Variants in FAM72B observed in about 807,000 individuals in gnomAD.
FAM72B encodes the protein protein FAM72B.
Under a neutral mutation model 12.6 loss-of-function variants are expected in FAM72B, and 4 were observed. That is an observed-to-expected ratio of 0.32 (90% CI 0.16 to 0.73). FAM72B has a LOEUF of 0.73. Ranked by LOEUF, FAM72B falls within the 30% of genes least tolerant of loss-of-function variation. The probability of loss-of-function intolerance (pLI) is 0.67; values close to 1 mark genes in which losing one functional copy is unlikely to be tolerated. For synonymous variants in FAM72B, 13 were observed against 53.9 expected (o/e 0.24, Z 3.32); for missense variants, 61 against 158.4 (o/e 0.39, Z 3.30).
chr1:121,168,751 C>T lies in FAM72B; in HGVS notation c.440G>A (p.Cys147Tyr), dbSNP rs782526851. The T allele has an allele frequency of 4.4e-6, 7 of 1,579,150 alleles. No homozygotes were observed. The highest frequency in any genetic ancestry group is 2.3e-4 in the Middle Eastern group (1 of 4,270). Residue 147 changes from cysteine (C) to tyrosine (Y), a missense_variant, in exon 4 of 4, where the codon TGT becomes TAT. By Grantham distance (194) the Cys-to-Tyr change is radical (BLOSUM62 -2). Transcript: ENST00000369390. ...ATATCATAATTCCATTTATCTAATA[C>T]ACTCCTCTGCTGAGATATTTAACAC... ...EDVLNISAEECIR is the reference protein window; with the variant it reads ...EDVLNISAEEYIR
At chr1:121,174,575 C>CA (rs1654169812) in intron 3 of FAM72B, among the ~76,000 whole-genome samples, 1 of 150,684 alleles carries the variant, frequency 6.6e-6, no homozygotes, top group Admixed American at 6.6e-5. Flanking sequence ...CCATGTTGGT[C>CA]AGGCTGGTCT....
chr1:121,179,656 T>C (rs587686522), intron 2 of FAM72B, among the ~76,000 whole-genome samples: 29 of 151,248 alleles, frequency 1.9e-4, no homozygotes, highest in South Asian at 4.2e-4. Context: ...GGTGAAACCC[T>C]GTCTCTACTA....
intron 2 of FAM72B, among the ~76,000 whole-genome samples, chr1:121,178,600 C>A (rs1194257399): frequency 7.7e-6 from 1 of 130,180 alleles, no homozygotes; most frequent in Non-Finnish European, 1.6e-5. Context: ...TTAATTACCG[C>A]CTATATTCAT....
chr1:121,172,624 G>T, intron 3 of FAM72B, among the ~76,000 whole-genome samples: 1 of 146,060 alleles, frequency 6.8e-6, no homozygotes, highest in East Asian at 2.0e-4. Context: ...TTAGCCAGGT[G>T]TAGTGGTGCA....
At chr1:121,170,051 A>C (rs1553315993) in intron 3 of FAM72B, among the ~76,000 whole-genome samples, 1 of 152,060 alleles carries the variant, frequency 6.6e-6, no homozygotes, top group African/African-American at 2.4e-5. Context: ...GCTCACTGCA[A>C]CCTCTGCCTC....
Position 121,168,663 on chromosome 1 carries a change from C to T in FAM72B, c.*78G>A, listed in dbSNP as rs1205067199. The stretch of plus-strand genomic sequence containing the variant: ...GTTTTCCAAAAAAGATCACTGGCAA[C>T]TAACAATTTTAAAGTTGATCCATTA... On this transcript the variant is annotated 3_prime_UTR_variant, in exon 4 of 4. Transcript: ENST00000369390. 5 of 1,184,286 alleles carry T rather than the reference C, an allele frequency of 4.2e-6. No homozygotes were observed. In the East Asian group the frequency reaches 1.2e-4, roughly 29 times the overall value. 73.4% of individuals were successfully genotyped at this position (1,184,286 alleles called of 1,614,324 possible).
rs1654385934 is a variant in FAM72B at position 121,183,566 on chromosome 1, A to C, written c.-77T>G. The C allele has an allele frequency of 1.2e-6, 2 of 1,609,808 alleles. No individual in the cohort carries two copies. Among genetic ancestry groups the C allele is most frequent in the South Asian group, 2.2e-5 (2 of 90,856 alleles). ...ATGCTCCTACTATTTTGATTCCCCT[A>C]GGCTAAAATTCAAGTTGCGGGACCT... On this transcript the variant is annotated 5_prime_UTR_variant, in exon 1 of 4. Transcript: ENST00000369390.
chr1:121,183,260 G>T, intron 1 of FAM72B, 78 bp downstream of exon 1: 1 of 492,930 alleles, frequency 2.0e-6, no homozygotes, highest in Non-Finnish European at 3.3e-6. Context: ...TAACCTCCTT[G>T]TTGACTCCCA....
At chr1:121,177,363 C>T (rs1553317002) in intron 2 of FAM72B, 31 bp from the exon 3 acceptor site, 1 of 1,599,078 alleles carries the variant, frequency 6.3e-7, no homozygotes. Flanking sequence ...TACTAGATAC[C>T]ATGTAATAAC....
At position 121,183,932 on chromosome 1, in the gene FAM72B, CG is replaced by C. The variant is rs1654402016; in HGVS notation, c.-444del. 6.0e-6 allele frequency: 1 copy of C among 167,628 alleles called. No individual in the cohort carries two copies. The highest frequency in any genetic ancestry group is 1.1e-4 in the South Asian group (1 of 8,924). The allele number at this position is 167,628 out of a possible 1,614,324, so 10.4% of individuals were successfully genotyped here. On this transcript the variant is annotated 5_prime_UTR_variant, in exon 1 of 4. The change abolishes the stop of an existing upstream ORF in the 5' untranslated region. Transcript: ENST00000369390. The stretch of plus-strand genomic sequence containing the variant: ...CTTCCCCAGCATTAAGCCCCTCCCC[CG>C]GAGCGCTCCGGTTCCCTGCTGTCGG...
At chr1:121,169,056 C>T (rs1444199948) in intron 3 of FAM72B, among the ~76,000 whole-genome samples, 2 of 150,946 alleles carry the variant, frequency 1.3e-5, no homozygotes, top group Admixed American at 6.6e-5. Flanking sequence ...TCTGTGTTGC[C>T]CAGGCTGGAG....
At chr1:121,176,451 C>T (rs1654214817) in intron 3 of FAM72B, among the ~76,000 whole-genome samples, 1 of 106,070 alleles carries the variant, frequency 9.4e-6, no homozygotes, top group Admixed American at 9.8e-5. Context: ...GGATTACAGG[C>T]ATGAGCCACT....
At chr1:121,179,431 T>C (rs1553317286) in intron 2 of FAM72B, among the ~76,000 whole-genome samples, 1 of 145,804 alleles carries the variant, frequency 6.9e-6, no homozygotes, top group East Asian at 2.1e-4. Flanking sequence ...ACACCTGTAA[T>C]CTCACACTTT....
Position 121,168,792 on chromosome 1 carries a change from C to G in FAM72B, c.399G>C (p.Glu133Asp). 6.2e-7 allele frequency: 1 copy of G among 1,607,136 alleles called. No individual in the cohort carries two copies. Among genetic ancestry groups the G allele is most frequent in the Non-Finnish European group, 8.5e-7 (1 of 1,178,472 alleles). ...LLWGNLPEIE[E>D]STDEDVLNIS... is the part of the protein sequence containing the mutation. Reference sequence around the variant, plus strand: ...TATTTAACACATCTTCATCTGTACTCTCTTCTATCTCTGGCAAGTTGCCCC... The same window carrying G: ...TATTTAACACATCTTCATCTGTACTGTCTTCTATCTCTGGCAAGTTGCCCC... The change falls in exon 4 of 4, where the codon GAG becomes GAC. Residue 133 changes from glutamate to aspartate, a missense_variant. Physicochemically the swap from Glu to Asp is conservative, Grantham distance 45. Coordinates refer to ENST00000369390, the MANE Select transcript of FAM72B (RefSeq NM_001100910.2).
At position 121,168,833 on chromosome 1, in the gene FAM72B, C is replaced by T. The variant is rs1654028246; in HGVS notation, c.358G>A (p.Val120Ile). 1 of 1,606,168 alleles carries T rather than the reference C, an allele frequency of 6.2e-7. No homozygotes were observed. Among genetic ancestry groups the T allele is most frequent in the Non-Finnish European group, 8.5e-7 (1 of 1,178,298 alleles). The part of the protein sequence containing the change: ...YDINRLDSTG[V>I]NILLWGNLPE... ...AAGTTGCCCCAAAGTAGGATGTTTA[C>T]ACCTGAAAATAAAAAATCATAAAAT... Residue 120 changes from valine to isoleucine, a missense_variant and splice_region_variant, in exon 4 of 4, where the codon GTA (valine) becomes ATA (isoleucine). Coordinates refer to ENST00000369390, the MANE Select transcript of FAM72B (RefSeq NM_001100910.2).
chr1:121,174,815 A>T (rs1261748138), intron 3 of FAM72B, among the ~76,000 whole-genome samples: 5 of 144,614 alleles, frequency 3.5e-5, no homozygotes, highest in African/African-American at 1.3e-4. Flanking sequence ...TGCCCAGCTA[A>T]TTTTTTATTT....
intron 3 of FAM72B, among the ~76,000 whole-genome samples, chr1:121,174,854 G>A (rs1553316665): frequency 6.6e-6 from 1 of 151,070 alleles, no homozygotes; most frequent in Non-Finnish European, 1.5e-5. Context: ...TACTATATTG[G>A]TCAGGCTGGT....
chr1:121,180,148 C>T (rs1654301919), intron 2 of FAM72B, among the ~76,000 whole-genome samples: 1 of 83,902 alleles, frequency 1.2e-5, no homozygotes, highest in Admixed American at 1.3e-4. Context: ...TAGCTCTCAG[C>T]TGTTGTAATT....
At chr1:121,175,151 T>G (rs1366852488) in intron 3 of FAM72B, among the ~76,000 whole-genome samples, 5 of 152,144 alleles carry the variant, frequency 3.3e-5, no homozygotes, top group African/African-American at 7.2e-5. Context: ...TCTTAGGAAT[T>G]ATGCCAAATA....
Sources: allele counts gnomAD v4.1 joint callset (sites outside exome capture counted in the v4.1 genomes callset), GRCh38; gene constraint gnomAD v4.1.1; transcripts MANE v1.5; gene names NCBI Gene and HGNC (gene_info 2026-07-23, HGNC 2026-07-21).